The following GRB2 variants were observed in gnomAD, a reference collection of about 807,000 sequenced individuals.
GRB2 encodes growth factor receptor-bound protein 2.
Under a neutral mutation model 27.4 loss-of-function variants are expected in GRB2, and 2 were observed. That is an observed-to-expected ratio of 0.07 (90% confidence interval 0.03 to 0.23). GRB2 has a LOEUF of 0.23. Ranked by LOEUF, GRB2 falls within the 10% of genes least tolerant of loss-of-function variation. The pLI is 1.00. For synonymous variants in GRB2, 94 were observed against 99.6 expected, an observed-to-expected ratio of 0.94 and a Z score of 0.33; for missense variants, 102 against 282.4, an observed-to-expected ratio of 0.36 and a Z score of 4.58.
intron 2 of GRB2, among the ~76,000 whole-genome samples, chr17:75,389,110 C>T (rs1188340534): frequency 2.6e-5 from 4 of 152,156 alleles, no homozygotes; most frequent in East Asian, 1.9e-4. Flanking sequence ...TGCTCTTCAT[C>T]GCTAAAAACC....
intron 2 of GRB2, among the ~76,000 whole-genome samples, chr17:75,379,543 C>T (rs2078914700): frequency 6.6e-6 from 1 of 152,058 alleles, no homozygotes; most frequent in Non-Finnish European, 1.5e-5. Context: ...GAACTACAGG[C>T]ATGCACCACC....
chr17:75,404,961 T>TG (rs2079089515), intron 1 of GRB2: 1 of 30,114 alleles, frequency 3.3e-5, no homozygotes, highest in Non-Finnish European at 4.7e-4. Context: ...TTTCAAATAG[T>TG]TTTTTTTTTT....
intron 2 of GRB2, among the ~76,000 whole-genome samples, chr17:75,390,075 G>A (rs2078989090): frequency 6.6e-6 from 1 of 152,130 alleles, no homozygotes; most frequent in African/African-American, 2.4e-5. Flanking sequence ...ACTGAAATAG[G>A]CCAGGCAGTG....
chr17:75,333,044 A>AG, intron 2 of GRB2, among the ~76,000 whole-genome samples: 1 of 152,226 alleles, frequency 6.6e-6, no homozygotes, highest in African/African-American at 2.4e-5. Flanking sequence ...TGAAACCCTC[A>AG]GTAAGGAAGG....
intron 2 of GRB2, among the ~76,000 whole-genome samples, chr17:75,367,273 C>T (rs551205145): frequency 2.9e-4 from 44 of 152,066 alleles, no homozygotes; most frequent in African/African-American, 6.0e-4. Context: ...CAGACTGAAG[C>T]GATCCTCCCA....
chr17:75,386,192 C>T (rs1425137098), intron 2 of GRB2, among the ~76,000 whole-genome samples: 1 of 151,872 alleles, frequency 6.6e-6, no homozygotes, highest in Non-Finnish European at 1.5e-5. Flanking sequence ...GATCTCGGCT[C>T]ACTGCAACCT....
chr17:75,380,359 A>C (rs1598248758), intron 2 of GRB2, among the ~76,000 whole-genome samples: 1 of 151,898 alleles, frequency 6.6e-6, no homozygotes, highest in South Asian at 2.1e-4. Context: ...AAAAAAAAAA[A>C]AACTATTATA....
chr17:75,378,249 G>A (rs1212452572), intron 2 of GRB2, among the ~76,000 whole-genome samples: 4 of 152,114 alleles, frequency 2.6e-5, no homozygotes, highest in African/African-American at 4.8e-5. Flanking sequence ...AATGAGCTGA[G>A]CGTGGTGGTG....
chr17:75,349,363 A>G (rs887869104), intron 2 of GRB2, among the ~76,000 whole-genome samples: 3 of 152,154 alleles, frequency 2.0e-5, no homozygotes, highest in Non-Finnish European at 2.9e-5. Context: ...TGCCTAACAG[A>G]TAAGACAAGC....
At chr17:75,352,092 T>C (rs921861408) in intron 2 of GRB2, among the ~76,000 whole-genome samples, 7 of 152,328 alleles carry the variant, frequency 4.6e-5, no homozygotes, top group African/African-American at 1.7e-4. Context: ...AACTACCTCC[T>C]TTTGCTGCTA....
chr17:75,358,988 G>A (rs1217262937), intron 2 of GRB2, among the ~76,000 whole-genome samples: 1 of 147,368 alleles, frequency 6.8e-6, no homozygotes, highest in African/African-American at 2.5e-5. Flanking sequence ...TGAGGTGGGT[G>A]TATTACCTGA....
chr17:75,357,455 C>T (rs1288509207), intron 2 of GRB2, among the ~76,000 whole-genome samples: 2 of 152,196 alleles, frequency 1.3e-5, no homozygotes, highest in Non-Finnish European at 2.9e-5. Context: ...GAATGTGGGG[C>T]ATATGATAAC....
Position 75,365,263 on chromosome 17 carries a change from T to TA in GRB2, c.78+28287dup, listed in dbSNP as rs1272529746. On this transcript the variant is annotated intron_variant, in intron 2 of 5. Transcript: ENST00000316804. ...GGGGGCAGAAACGAATGGCTCATCT[T>TA]ACGCTAGATCTCCTACGGTTAACTT... Among the ~76,000 whole-genome samples, 5 of 152,298 alleles carry TA rather than the reference T, an allele frequency of 3.3e-5. No homozygotes were observed. The East Asian group carries it at 9.6e-4, about 29-fold the overall frequency.
intron 3 of GRB2, among the ~76,000 whole-genome samples, chr17:75,329,023 C>T (rs532260345): frequency 6.6e-5 from 10 of 152,182 alleles, no homozygotes; most frequent in East Asian, 3.9e-4. Context: ...CCCCAATCAA[C>T]GGTATTTAAA....
chr17:75,320,536 C>T lies in GRB2; in HGVS notation c.486G>A (p.Gln162=). ...CCTGGGGATCAAAGTCAAAGAGGGC[C>T]TGGACGTATGTCGGCTGCTGCAAAA... ...EQVPQQPTYV[Q]ALFDFDPQED... The change falls in exon 6 of 6, where the codon CAG becomes CAA. Residue 162 remains glutamine (Q), a synonymous_variant. Coordinates refer to ENST00000316804, the MANE Select transcript of GRB2 (RefSeq NM_002086.5). The surrounding 1 kb of genome is among the most constrained non-coding windows in gnomAD (Gnocchi z 4.3). 1 of 1,613,586 alleles carries T rather than the reference C, an allele frequency of 6.2e-7. No individual in the cohort carries two copies. The highest frequency in any genetic ancestry group is 8.5e-7 in the Non-Finnish European group (1 of 1,179,546).
chr17:75,367,747 T>C (rs1012612216), intron 2 of GRB2, among the ~76,000 whole-genome samples: 2 of 152,246 alleles, frequency 1.3e-5, no homozygotes, highest in Non-Finnish European at 2.9e-5. Context: ...TAATTCCTAA[T>C]TTACTCATTT....
At chr17:75,341,555 C>T (rs1427637915) in intron 2 of GRB2, among the ~76,000 whole-genome samples, 1 of 150,658 alleles carries the variant, frequency 6.6e-6, no homozygotes, top group Non-Finnish European at 1.5e-5. Context: ...TGACTTAGCA[C>T]CTTTTAAACA....
In GRB2 at chr17:75,320,977, T is replaced by A. The variant is rs2078454786; in HGVS notation, c.469-424A>T. ...TAACATAAGGGGCTCTAACCGTAAC[T>A]TACGACCAGGGCTCGAGGGACAGGA... On this transcript the variant is annotated intron_variant, in intron 5 of 5. Transcript: ENST00000316804. The surrounding 1 kb of genome is among the most constrained non-coding windows in gnomAD (Gnocchi z 4.3). Among the ~76,000 whole-genome samples the A allele has an allele frequency of 6.6e-6, 1 of 151,990 alleles. No individual in the cohort carries two copies. The highest frequency in any genetic ancestry group is 6.6e-5 in the Admixed American group (1 of 15,234).
chr17:75,353,463 T>TAAA, intron 2 of GRB2, among the ~76,000 whole-genome samples: 1 of 149,272 alleles, frequency 6.7e-6, no homozygotes, highest in East Asian at 2.0e-4. Flanking sequence ...TCTATGCCCT[T>TAAA]AAAAAAAAAA....
Sources: allele counts gnomAD v4.1 joint callset (sites outside exome capture counted in the v4.1 genomes callset), GRCh38; gene constraint gnomAD v4.1.1; non-coding constraint Gnocchi (gnomAD v3.1); transcripts MANE v1.5; gene names NCBI Gene and HGNC (gene_info 2026-07-23, HGNC 2026-07-21).